BST1: variants seen among roughly 807,000 people sequenced by gnomAD.
BST1 encodes the protein ADP-ribosyl cyclase/cyclic ADP-ribose hydrolase 2.
Under a neutral mutation model 40.6 loss-of-function variants are expected in BST1, and 49 were observed. That is an observed-to-expected ratio of 1.21 (90% CI 0.96 to 1.53). The LOEUF (loss-of-function observed/expected upper bound fraction) is 1.53, where lower values mean the gene tolerates loss of function less well. Ranked by LOEUF, BST1 falls within the 40% of genes most tolerant of loss-of-function variation. BST1 has a pLI of 0.00. For synonymous variants in BST1, 157 were observed against 159.3 expected (o/e 0.99, Z 0.11); for missense variants, 423 against 395.9 (o/e 1.07, Z -0.58).
At chr4:15,727,987 G>GA (rs1721198112) in intron 8 of BST1, among the ~76,000 whole-genome samples, 1 of 151,398 alleles carries the variant, frequency 6.6e-6, no homozygotes, top group South Asian at 2.1e-4. Flanking sequence ...AATCCAAGGG[G>GA]AAAAAACCAA....
chr4:15,717,481 C>T (rs1191722195), intron 6 of BST1, among the ~76,000 whole-genome samples: 1 of 152,238 alleles, frequency 6.6e-6, no homozygotes, highest in East Asian at 1.9e-4. Flanking sequence ...TAATTGTGAC[C>T]ATTAGTGAAA....
the BST1 span, among the ~76,000 whole-genome samples, chr4:15,745,872 AC>A: frequency 6.6e-6 from 1 of 152,142 alleles, no homozygotes; most frequent in African/African-American, 2.4e-5. Context: ...AAGACTTACC[AC>A]CTTATGATTA....
chr4:15,711,080 G>A (rs931594349), intron 3 of BST1, among the ~76,000 whole-genome samples: 1 of 152,138 alleles, frequency 6.6e-6, no homozygotes, highest in African/African-American at 2.4e-5. Context: ...GTGAGCCACT[G>A]TGCCCAGTCT....
chr4:15,725,833 T>A (rs977383572), intron 8 of BST1, among the ~76,000 whole-genome samples: 1 of 152,092 alleles, frequency 6.6e-6, no homozygotes, highest in African/African-American at 2.4e-5. Context: ...ATCTCAATAT[T>A]TAAAATCATA....
At chr4:15,712,130 G>A (rs1720251735) in intron 4 of BST1, among the ~76,000 whole-genome samples, 1 of 151,980 alleles carries the variant, frequency 6.6e-6, no homozygotes, top group African/African-American at 2.4e-5. Context: ...TATACATGAG[G>A]GTTTTAATTA....
intron 4 of BST1, among the ~76,000 whole-genome samples, chr4:15,712,607 T>C (rs1203210153): frequency 1.3e-5 from 2 of 152,192 alleles, no homozygotes; most frequent in Admixed American, 1.3e-4. Context: ...GGACTATCCA[T>C]GTCTTTTTCA....
chr4:15,758,863 T>C, the BST1 span, among the ~76,000 whole-genome samples: 1 of 150,596 alleles, frequency 6.6e-6, no homozygotes, highest in Non-Finnish European at 1.5e-5. Flanking sequence ...CCTATTTCTA[T>C]GGAATGAAAC....
At chr4:15,704,519 T>C (rs981544185) in intron 1 of BST1, among the ~76,000 whole-genome samples, 1 of 150,928 alleles carries the variant, frequency 6.6e-6, no homozygotes, top group African/African-American at 2.4e-5. Flanking sequence ...CAGGTGTGTG[T>C]GTGTGGTCTA....
intron 8 of BST1, among the ~76,000 whole-genome samples, chr4:15,728,802 C>T (rs1052676861): frequency 2.0e-5 from 3 of 151,980 alleles, no homozygotes; most frequent in African/African-American, 4.8e-5. Context: ...TGAGCTACCA[C>T]GCCTGGCTGA....
At chr4:15,765,974 G>T in the BST1 span, among the ~76,000 whole-genome samples, 2 of 151,930 alleles carry the variant, frequency 1.3e-5, no homozygotes, top group Non-Finnish European at 2.9e-5. Flanking sequence ...AATAGTTCAT[G>T]GTGCTCAGTA....
At position 15,715,775 on chromosome 4, in the gene BST1, T is replaced by C; in HGVS notation, c.680T>C (p.Met227Thr). Residue 227 changes from methionine to threonine, a missense_variant, in exon 6 of 9, where the codon ATG becomes ACG. Met to Thr is a moderately conservative substitution (Grantham distance 81). Transcript: ENST00000265016. ...ATTACACGAATCGAGATCTGGGTTATGCATGAAATTGGGGGACCCAATGTG... is the reference window on the plus strand; with the variant it reads ...ATTACACGAATCGAGATCTGGGTTACGCATGAAATTGGGGGACCCAATGTG... ...EKITRIEIWVMHEIGGPNVES... is the reference protein window; with the variant it reads ...EKITRIEIWVTHEIGGPNVES... The C allele has an allele frequency of 1.3e-6, 2 of 1,594,552 alleles. No individual in the cohort carries two copies. Among genetic ancestry groups the C allele is most frequent in the Middle Eastern group, 1.7e-4 (1 of 5,986 alleles).
intron 8 of BST1, among the ~76,000 whole-genome samples, chr4:15,725,338 A>C (rs1721041712): frequency 6.6e-6 from 1 of 152,184 alleles, no homozygotes; most frequent in Non-Finnish European, 1.5e-5. Context: ...CATCTCCAGC[A>C]TGTATTCTAG....
At chr4:15,723,475 C>T (rs1303304156) in intron 8 of BST1, 3 of 792,632 alleles carry the variant, frequency 3.8e-6, no homozygotes, top group African/African-American at 3.8e-5. Context: ...GTCTCGATCT[C>T]CTGGCCTTGT....
the BST1 span, among the ~76,000 whole-genome samples, chr4:15,761,094 G>T: frequency 6.6e-6 from 1 of 151,702 alleles, no homozygotes; most frequent in Non-Finnish European, 1.5e-5. Flanking sequence ...GCCCAGGCTG[G>T]GGTGCTGTGG....
chr4:15,729,762 A>G (rs1447163135), intron 8 of BST1, among the ~76,000 whole-genome samples: 1 of 152,232 alleles, frequency 6.6e-6, no homozygotes, highest in Non-Finnish European at 1.5e-5. Flanking sequence ...AAACCAATGC[A>G]CAGAACATGA....
the BST1 span, among the ~76,000 whole-genome samples, chr4:15,765,065 C>T: frequency 1.3e-5 from 2 of 151,922 alleles, no homozygotes; most frequent in Admixed American, 6.6e-5. Context: ...GTACTACTTA[C>T]CTCATGGGGT....
At chr4:15,764,711 C>T in the BST1 span, among the ~76,000 whole-genome samples, 3 of 151,902 alleles carry the variant, frequency 2.0e-5, no homozygotes, top group Non-Finnish European at 2.9e-5. Context: ...TTGCTTTACT[C>T]TCAACCGATG....
chr4:15,756,168 C>T, the BST1 span, among the ~76,000 whole-genome samples: 8 of 152,098 alleles, frequency 5.3e-5, no homozygotes, highest in Admixed American at 3.9e-4. Context: ...GGGGAAAAAC[C>T]GACTTTCTGG....
chr4:15,707,448 T>G, intron 2 of BST1, 63 bp from the exon 3 acceptor site: 1 of 1,608,082 alleles, frequency 6.2e-7, no homozygotes, highest in Non-Finnish European at 8.5e-7. Context: ...TTGATGATAT[T>G]GTGCCTGAGG....
Sources: gnomAD v4.1 joint callset for allele counts (sites outside exome capture counted in the v4.1 genomes callset) on GRCh38, gnomAD v4.1.1 for gene constraint, MANE v1.5 for transcripts, NCBI Gene and HGNC (gene_info 2026-07-23, HGNC 2026-07-21) for gene names.